The following TCEA3 variants were observed in gnomAD, a reference collection of about 807,000 sequenced individuals.
TCEA3 encodes transcription elongation factor A protein 3.
TCEA3 carries 36 observed loss-of-function variants against 44.0 expected under a neutral mutation model. The observed-to-expected ratio is 0.82, with a 90% CI of 0.63 to 1.08. The LOEUF (loss-of-function observed/expected upper bound fraction) is 1.08, where lower values mean the gene tolerates loss of function less well. TCEA3 is among the 50% of genes least tolerant of loss of function. The pLI is 0.00. For synonymous variants in TCEA3, 162 were observed against 159.7 expected, an observed-to-expected ratio of 1.01 and a Z score of -0.11; for missense variants, 392 against 441.2, an observed-to-expected ratio of 0.89 and a Z score of 1.00.
chr1:23,396,276 G>A (rs562659112), intron 7 of TCEA3, among the ~76,000 whole-genome samples: 7 of 152,198 alleles, frequency 4.6e-5, no homozygotes, highest in East Asian at 3.9e-4. Flanking sequence ...CTCACACCTC[G>A]GTGTGACACT....
At chr1:23,382,599 G>A (rs561470402) in intron 10 of TCEA3, among the ~76,000 whole-genome samples, 120 of 152,322 alleles carry the variant, frequency 7.9e-4, no homozygotes, top group South Asian at 1.9e-3. Flanking sequence ...AGGCTGTGCC[G>A]CCTGGAGGAA....
chr1:23,404,116 G>A lies in TCEA3; in HGVS notation c.443+4548C>T, dbSNP rs1203477835. On this transcript the variant is annotated intron_variant, in intron 5 of 10. Coordinates refer to ENST00000450454, the MANE Select transcript of TCEA3 (RefSeq NM_003196.3). ...TGGAGGCCGGGCCCGCTGCTTCTGT[G>A]CGCCACCTCGAGGGCATTTCAGTTA... The A allele has an allele frequency of 4.3e-6, 3 of 702,330 alleles. No homozygotes were observed. The South Asian group carries it at 4.4e-5, about 10-fold the overall frequency. 43.5% of individuals were successfully genotyped at this position (702,330 alleles called of 1,614,324 possible).
chr1:23,385,046 G>A (rs754823259), intron 9 of TCEA3, among the ~76,000 whole-genome samples: 3 of 152,064 alleles, frequency 2.0e-5, no homozygotes, highest in Non-Finnish European at 4.4e-5. Flanking sequence ...GCCCAGAGAG[G>A]GAAAGTCCTA....
intron 1 of TCEA3, chr1:23,419,374 C>A (rs1388097968): frequency 2.7e-6 from 1 of 374,814 alleles, no homozygotes; most frequent in African/African-American, 2.1e-5. Context: ...TGACCTCCAG[C>A]CTTTGGTTCT....
intron 1 of TCEA3, among the ~76,000 whole-genome samples, chr1:23,421,035 G>A (rs1473392705): frequency 1.3e-5 from 2 of 152,180 alleles, no homozygotes; most frequent in Admixed American, 6.5e-5. Context: ...GCTGCCCTCT[G>A]TCAGTCCTTA....
chr1:23,418,140 A>T, intron 2 of TCEA3, 131 bp from the exon 3 acceptor site: 1 of 858,984 alleles, frequency 1.2e-6, no homozygotes, highest in Non-Finnish European at 1.8e-6. Flanking sequence ...CCTAGCCCTG[A>T]CTCCTGGCTG....
intron 10 of TCEA3, 51 bp from the exon 11 acceptor site, chr1:23,381,525 A>G: frequency 1.3e-6 from 1 of 780,716 alleles, no homozygotes; most frequent in Middle Eastern, 2.3e-4. Flanking sequence ...GGCATCCTCC[A>G]AGGAGGCTGT....
intron 4 of TCEA3, among the ~76,000 whole-genome samples, chr1:23,416,258 G>A (rs9787272): frequency 0.059 from 9,012 of 151,760 alleles, 531 homozygotes; most frequent in East Asian, 0.23. Flanking sequence ...CGCCCACCTC[G>A]GCCTCCCAAA....
At chr1:23,392,369 C>T (rs1384155407) in intron 8 of TCEA3, among the ~76,000 whole-genome samples, 7 of 136,948 alleles carry the variant, frequency 5.1e-5, no homozygotes, top group African/African-American at 1.9e-4. Context: ...CATACACACA[C>T]ACTCCACACA....
At chr1:23,424,278 A>G (rs574172862) in intron 1 of TCEA3, among the ~76,000 whole-genome samples, 1 of 150,838 alleles carries the variant, frequency 6.6e-6, no homozygotes, top group Non-Finnish European at 1.5e-5. Context: ...TGGGCCCTGC[A>G]CTAGCTGCCC....
In TCEA3 at chr1:23,424,689, G is replaced by T. The variant is rs1640169804; in HGVS notation, c.-56C>A. On this transcript the variant is annotated 5_prime_UTR_variant, in exon 1 of 11. Transcript: ENST00000450454. ...GCACAGGGGCAGCAGTAGGGCCTCG[G>T]GGGCAGGAGGCGCGAAGGCGGAGGG... 13 of 1,412,882 alleles carry T rather than the reference G, an allele frequency of 9.2e-6. No homozygotes were observed. In the South Asian group the frequency reaches 1.5e-4, roughly 17 times the overall value. 87.5% of individuals were successfully genotyped at this position (1,412,882 alleles called of 1,614,324 possible). A position where few individuals can be genotyped will look rare whatever the true frequency, so the allele number is the denominator to read the frequency against.
Position 23,417,340 on chromosome 1 carries a change from T to C in TCEA3, c.289A>G (p.Lys97Glu), listed in dbSNP as rs777721645. 34 of 1,613,924 alleles carry C rather than the reference T, an allele frequency of 2.1e-5. No homozygotes were observed. Among genetic ancestry groups the C allele is most frequent in the African/African-American group, 2.7e-5 (2 of 74,926 alleles). The change falls in exon 4 of 11, where the codon AAG becomes GAG. Residue 97 changes from lysine (K) to glutamate (E), a missense_variant. Transcript: ENST00000450454. ...CACTCAAGCCCTTTTTCCTTCTTCT[T>C]TGCCTTTTCTCTTTCCTCTCCTTTT... ...GEKGEEREKA[K>E]KKEKGLECSD...
At chr1:23,392,388 AAAACACACTC>A (rs1639060419) in intron 8 of TCEA3, among the ~76,000 whole-genome samples, 3 of 6,018 alleles carry the variant, frequency 5.0e-4, no homozygotes, top group East Asian at 4.6e-3. Context: ...CATCATACAC[AAAACACACTC>A]CACACATCAT....
intron 5 of TCEA3, among the ~76,000 whole-genome samples, chr1:23,399,142 ATG>A (rs1419054820): frequency 0.011 from 756 of 71,790 alleles, 14 homozygotes; most frequent in African/African-American, 0.054. Context: ...ATATGTATAT[ATG>A]TATATATATA....
chr1:23,383,068 A>G (rs1638713592), intron 10 of TCEA3, among the ~76,000 whole-genome samples: 1 of 152,168 alleles, frequency 6.6e-6, no homozygotes, highest in Admixed American at 6.5e-5. Context: ...TCACGAGGTC[A>G]GGAGATCAAG....
chr1:23,386,957 T>A (rs183043977), intron 9 of TCEA3, among the ~76,000 whole-genome samples: 1 of 151,976 alleles, frequency 6.6e-6, no homozygotes, highest in African/African-American at 2.4e-5. Flanking sequence ...CCTGACCTCG[T>A]GATCCGCCCG....
intron 5 of TCEA3, among the ~76,000 whole-genome samples, chr1:23,398,630 C>G: frequency 6.6e-6 from 1 of 152,176 alleles, no homozygotes; most frequent in East Asian, 1.9e-4. Context: ...AGGAGGTATA[C>G]TCTCATCATC....
At position 23,383,055 on chromosome 1, in the gene TCEA3, G is replaced by A. The variant is rs183053006; in HGVS notation, c.1038+1291C>T. ...AGCACTTTGGGAGGCCGAGGCGGGCGGATCACGAGGTCAGGAGATCAAGAC... is the reference window on the plus strand; with the variant it reads ...AGCACTTTGGGAGGCCGAGGCGGGCAGATCACGAGGTCAGGAGATCAAGAC... On this transcript the variant is annotated intron_variant, in intron 10 of 10. Coordinates refer to ENST00000450454, the MANE Select transcript of TCEA3 (RefSeq NM_003196.3). 6.9e-3 allele frequency among the ~76,000 whole-genome samples: 1,044 copies of A among 152,202 alleles called. 12 individuals carry two copies. The highest frequency in any genetic ancestry group is 0.037 in the East Asian group (191 of 5,176).
At chr1:23,399,144 G>GTGTATA (rs751608613) in intron 5 of TCEA3, among the ~76,000 whole-genome samples, 636 of 61,066 alleles carry the variant, frequency 0.01, 13 homozygotes, top group African/African-American at 0.033. Context: ...ATGTATATAT[G>GTGTATA]TATATATATA....
Sources: allele counts gnomAD v4.1 joint callset (sites outside exome capture counted in the v4.1 genomes callset), GRCh38; gene constraint gnomAD v4.1.1; transcripts MANE v1.5; gene names NCBI Gene and HGNC (gene_info 2026-07-23, HGNC 2026-07-21).